KCNK13: variants seen among roughly 807,000 people sequenced by gnomAD.
KCNK13 encodes the protein potassium two pore domain channel subfamily K member 13.
Under a neutral mutation model 23.4 loss-of-function variants are expected in KCNK13, and 12 were observed. That is an observed-to-expected ratio of 0.51 (90% CI 0.33 to 0.83). KCNK13 has a LOEUF of 0.83. KCNK13 is among the 40% of genes least tolerant of loss of function. The pLI, the probability that KCNK13 is intolerant of heterozygous loss-of-function variation, is 0.02. For missense variants in KCNK13, 463 were observed against 556.3 expected, an observed-to-expected ratio of 0.83 and a Z score of 1.69; for synonymous variants, 231 against 229.5, an observed-to-expected ratio of 1.01 and a Z score of -0.06.
At chr14:90,179,292 T>A (rs1890458988) in intron 1 of KCNK13, among the ~76,000 whole-genome samples, 1 of 151,966 alleles carries the variant, frequency 6.6e-6, no homozygotes, top group Non-Finnish European at 1.5e-5. Flanking sequence ...CCTTTGTGCC[T>A]GTTTGAAAAA....
At chr14:90,161,793 C>T (rs1375110673) in intron 1 of KCNK13, among the ~76,000 whole-genome samples, 1 of 151,970 alleles carries the variant, frequency 6.6e-6, no homozygotes, top group Admixed American at 6.6e-5. Flanking sequence ...GAAAATTGAA[C>T]ATGAAATAAG....
intron 1 of KCNK13, among the ~76,000 whole-genome samples, chr14:90,078,456 G>A (rs1889167751): frequency 6.7e-6 from 1 of 148,696 alleles, no homozygotes. Flanking sequence ...AAGAGAGGAA[G>A]GAAGGAAGGA....
chr14:90,167,222 G>A (rs1205503195), intron 1 of KCNK13, among the ~76,000 whole-genome samples: 1 of 152,172 alleles, frequency 6.6e-6, no homozygotes, highest in African/African-American at 2.4e-5. Context: ...CAGTCAAACA[G>A]CTTTGTGCTT....
At chr14:90,070,423 T>C (rs981040826) in intron 1 of KCNK13, among the ~76,000 whole-genome samples, 3 of 152,236 alleles carry the variant, frequency 2.0e-5, no homozygotes, top group African/African-American at 7.2e-5. Flanking sequence ...ATTTTTCTGC[T>C]GGGAGCAGGG....
chr14:90,115,693 AT>A (rs923030418), intron 1 of KCNK13, among the ~76,000 whole-genome samples: 4 of 152,192 alleles, frequency 2.6e-5, no homozygotes, highest in African/African-American at 9.7e-5. Flanking sequence ...ATAACGTGTT[AT>A]TAAAAAAAAG....
At chr14:90,086,903 A>T (rs1488767720) in intron 1 of KCNK13, among the ~76,000 whole-genome samples, 3 of 151,900 alleles carry the variant, frequency 2.0e-5, no homozygotes, top group Non-Finnish European at 4.4e-5. Context: ...TGAGGGACTA[A>T]CCTTGAGCAT....
At position 90,163,070 on chromosome 14, in the gene KCNK13, C is replaced by G. The variant is rs80330465; in HGVS notation, c.335-21041C>G. ...CTGCTGGAGAAACAACATGCAAATT[C>G]TGGAAGAAATACAGTTTAAGGAAGC... On this transcript the variant is annotated intron_variant, in intron 1 of 1. Coordinates refer to ENST00000282146, the MANE Select transcript of KCNK13 (RefSeq NM_022054.4). 3.4e-3 allele frequency among the ~76,000 whole-genome samples: 523 copies of G among 152,232 alleles called. 4 individuals carry two copies. The highest frequency in any genetic ancestry group is 0.012 in the African/African-American group (509 of 41,546).
intron 1 of KCNK13, among the ~76,000 whole-genome samples, chr14:90,179,930 C>G (rs546273203): frequency 1.4e-4 from 22 of 152,284 alleles, no homozygotes; most frequent in Admixed American, 5.9e-4. Flanking sequence ...CCCTGCCCCC[C>G]CTCTCCGGTT....
At chr14:90,096,032 A>C (rs1038869599) in intron 1 of KCNK13, among the ~76,000 whole-genome samples, 2 of 152,210 alleles carry the variant, frequency 1.3e-5, no homozygotes, top group African/African-American at 4.8e-5. Flanking sequence ...GATGCATAGG[A>C]TAACACCTAT....
intron 1 of KCNK13, among the ~76,000 whole-genome samples, chr14:90,165,905 G>A (rs1890297082): frequency 6.6e-6 from 1 of 152,170 alleles, no homozygotes; most frequent in African/African-American, 2.4e-5. Flanking sequence ...GAAATGAAAC[G>A]TTTTGAATTC....
chr14:90,112,472 C>T (rs1889627239), intron 1 of KCNK13, among the ~76,000 whole-genome samples: 2 of 152,212 alleles, frequency 1.3e-5, no homozygotes, highest in Admixed American at 6.5e-5. Context: ...AAAAACAATG[C>T]AAATCATCAA....
At chr14:90,160,201 C>T (rs1032977928) in intron 1 of KCNK13, among the ~76,000 whole-genome samples, 7 of 152,290 alleles carry the variant, frequency 4.6e-5, no homozygotes, top group African/African-American at 1.7e-4. Context: ...GACAAAACAA[C>T]CTGGCACTTT....
At chr14:90,124,199 C>T (rs1889770242) in intron 1 of KCNK13, among the ~76,000 whole-genome samples, 1 of 152,206 alleles carries the variant, frequency 6.6e-6, no homozygotes, top group African/African-American at 2.4e-5. Context: ...GCACTCAGCT[C>T]GCAGTGTTCT....
At chr14:90,127,453 C>CTTT (rs11404565) in intron 1 of KCNK13, among the ~76,000 whole-genome samples, 1,394 of 132,992 alleles carry the variant, frequency 0.01, 28 homozygotes, top group African/African-American at 0.019. Flanking sequence ...GCTCACCATA[C>CTTT]TTTTTTTTTT....
chr14:90,136,682 G>T (rs1448619070), intron 1 of KCNK13, among the ~76,000 whole-genome samples: 1 of 152,126 alleles, frequency 6.6e-6, no homozygotes. Flanking sequence ...TGAGAGCAAG[G>T]AGTCCTTCAT....
At chr14:90,163,290 G>T (rs1428574569) in intron 1 of KCNK13, among the ~76,000 whole-genome samples, 2 of 152,214 alleles carry the variant, frequency 1.3e-5, no homozygotes, top group Non-Finnish European at 2.9e-5. Flanking sequence ...AGAAACGCAA[G>T]TTAGGTGAAT....
At chr14:90,103,740 T>G (rs1566952080) in intron 1 of KCNK13, among the ~76,000 whole-genome samples, 2 of 152,168 alleles carry the variant, frequency 1.3e-5, no homozygotes. Flanking sequence ...TTTTTGTATT[T>G]TTAGTAGAGA....
At chr14:90,114,549 G>A (rs1268157373) in intron 1 of KCNK13, among the ~76,000 whole-genome samples, 1 of 152,190 alleles carries the variant, frequency 6.6e-6, no homozygotes, top group Non-Finnish European at 1.5e-5. Flanking sequence ...GCCCGGTTAA[G>A]CCTGGCCTTA....
chr14:90,103,861 C>T (rs1039961019), intron 1 of KCNK13, among the ~76,000 whole-genome samples: 2 of 152,122 alleles, frequency 1.3e-5, no homozygotes, highest in African/African-American at 2.4e-5. Flanking sequence ...CTGCACCAGG[C>T]CCAGACAGTT....
Sources: allele counts gnomAD v4.1 joint callset (sites outside exome capture counted in the v4.1 genomes callset), GRCh38; gene constraint gnomAD v4.1.1; transcripts MANE v1.5; gene names NCBI Gene and HGNC (gene_info 2026-07-23, HGNC 2026-07-21).